TTC28: variants seen among roughly 807,000 people sequenced by gnomAD.
TTC28 encodes tetratricopeptide repeat protein 28.
TTC28 carries 61 observed loss-of-function variants against 198.0 expected under a neutral mutation model. The ratio of observed to expected loss-of-function variants is 0.31; its 90% CI spans 0.25 to 0.38. The LOEUF (loss-of-function observed/expected upper bound fraction) is 0.38. Among genes scored for constraint, TTC28 ranks in the 10% least tolerant of loss-of-function variants. TTC28 has a pLI of 1.00. For synonymous variants in TTC28, 1,171 were observed against 1,297.8 expected (o/e 0.90, Z 2.10); for missense variants, 2,678 against 3,164.0 (o/e 0.85, Z 3.69).
intron 5 of TTC28, among the ~76,000 whole-genome samples, chr22:28,251,547 T>C (rs1449912197): frequency 6.6e-6 from 1 of 152,130 alleles, no homozygotes; most frequent in Non-Finnish European, 1.5e-5. Flanking sequence ...CTATCACTGT[T>C]AGGAGAAACA....
At chr22:28,356,796 C>T (rs1004379710) in intron 2 of TTC28, among the ~76,000 whole-genome samples, 2 of 152,136 alleles carry the variant, frequency 1.3e-5, no homozygotes. Flanking sequence ...TGGCTCGTAG[C>T]GGGTTCACGT....
intron 1 of TTC28, among the ~76,000 whole-genome samples, chr22:28,646,987 A>G (rs896200424): frequency 2.6e-5 from 4 of 152,368 alleles, no homozygotes; most frequent in East Asian, 1.9e-4. Flanking sequence ...AAATTGTACT[A>G]TAAGACTGTA....
At chr22:28,584,030 T>C (rs1376408573) in intron 2 of TTC28, among the ~76,000 whole-genome samples, 1 of 150,244 alleles carries the variant, frequency 6.7e-6, no homozygotes, top group African/African-American at 2.5e-5. Flanking sequence ...TTTTTTTTTT[T>C]TTTGGCACAA....
intron 14 of TTC28, among the ~76,000 whole-genome samples, chr22:28,004,814 C>A (rs113967651): frequency 3.9e-5 from 6 of 152,164 alleles, no homozygotes; most frequent in African/African-American, 1.4e-4. Context: ...TATAATCCAA[C>A]GTGAACTTGA....
At chr22:28,562,201 G>A (rs1365629246) in intron 2 of TTC28, among the ~76,000 whole-genome samples, 4 of 152,162 alleles carry the variant, frequency 2.6e-5, no homozygotes, top group African/African-American at 7.2e-5. Flanking sequence ...AGTACATGGA[G>A]AAGAGAATAA....
chr22:28,484,753 G>A (rs932980254), intron 2 of TTC28, among the ~76,000 whole-genome samples: 3 of 152,102 alleles, frequency 2.0e-5, no homozygotes, highest in South Asian at 4.1e-4. Flanking sequence ...CTTAAAAGAG[G>A]AATAAGTAAG....
intron 2 of TTC28, among the ~76,000 whole-genome samples, chr22:28,396,527 G>A (rs990742611): frequency 6.6e-6 from 1 of 152,178 alleles, no homozygotes; most frequent in Non-Finnish European, 1.5e-5. Flanking sequence ...CACAAATTCA[G>A]TGGAGTCTGG....
chr22:28,233,654 C>A (rs762185737), intron 5 of TTC28, among the ~76,000 whole-genome samples: 1 of 152,136 alleles, frequency 6.6e-6, no homozygotes, highest in Admixed American at 6.5e-5. Context: ...TACAAGAGCA[C>A]AATAAGCCAT....
At chr22:28,146,675 CTT>C (rs759238426) in intron 6 of TTC28, among the ~76,000 whole-genome samples, 31 of 152,296 alleles carry the variant, frequency 2.0e-4, no homozygotes, top group Non-Finnish European at 3.7e-4. Flanking sequence ...TATAAGCTGT[CTT>C]TGTCTTATTC....
intron 6 of TTC28, among the ~76,000 whole-genome samples, chr22:28,125,868 C>T (rs559917616): frequency 6.6e-6 from 1 of 152,026 alleles, no homozygotes; most frequent in East Asian, 1.9e-4. Flanking sequence ...GGGTAAGAGA[C>T]AAAAGAATGA....
rs186841248 is a variant in TTC28, at chr22:28,675,944, A to G, written c.102+3678T>C. 4.9e-3 allele frequency among the ~76,000 whole-genome samples: 740 copies of G among 152,068 alleles called. 3 individuals are homozygous for G. Among genetic ancestry groups the G allele is most frequent in the Non-Finnish European group, 6.5e-3 (441 of 67,968 alleles). ...TACAAAAAATTTTTAAATATTTGCC[A>G]GGTGTGGTGGCACGTGCCTGTAGTC... On this transcript the variant is annotated intron_variant, in intron 1 of 22. Coordinates refer to ENST00000397906, the MANE Select transcript of TTC28 (RefSeq NM_001145418.2).
chr22:28,050,403 T>C (rs530938835), intron 12 of TTC28, among the ~76,000 whole-genome samples: 8 of 152,360 alleles, frequency 5.3e-5, no homozygotes, highest in Admixed American at 3.3e-4. Flanking sequence ...TTCTGTGTTC[T>C]TGTAGAAAAC....
chr22:28,008,127 C>T (rs564476382), intron 14 of TTC28: 6 of 152,216 alleles, frequency 3.9e-5, no homozygotes, highest in African/African-American at 2.4e-5. Flanking sequence ...CAGGCAGCCA[C>T]GTGGTCAGTC....
intron 12 of TTC28, among the ~76,000 whole-genome samples, chr22:28,067,673 C>G (rs1056874242): frequency 7.9e-5 from 12 of 152,152 alleles, no homozygotes; most frequent in African/African-American, 2.7e-4. Flanking sequence ...AGATATTCAC[C>G]AAATAGTTGC....
chr22:28,592,913 C>T (rs1321106127), intron 2 of TTC28, among the ~76,000 whole-genome samples: 1 of 152,172 alleles, frequency 6.6e-6, no homozygotes, highest in East Asian at 1.9e-4. Flanking sequence ...CAACTTAGCA[C>T]AACCATCCAC....
At chr22:28,457,946 A>G (rs1428915790) in intron 2 of TTC28, among the ~76,000 whole-genome samples, 1 of 152,120 alleles carries the variant, frequency 6.6e-6, no homozygotes, top group East Asian at 1.9e-4. Flanking sequence ...TGCCATTTTC[A>G]TTATCTAAAA....
intron 2 of TTC28, among the ~76,000 whole-genome samples, chr22:28,357,418 C>T (rs2046095388): frequency 7.2e-6 from 1 of 139,720 alleles, no homozygotes; most frequent in South Asian, 2.3e-4. Flanking sequence ...CAGACTCAAA[C>T]AATCCTCCTG....
chr22:28,507,242 A>C (rs2048624494), intron 2 of TTC28, among the ~76,000 whole-genome samples: 1 of 152,250 alleles, frequency 6.6e-6, no homozygotes, highest in African/African-American at 2.4e-5. Context: ...GCTGAAAAAC[A>C]AAACATGAAA....
At chr22:28,654,476 C>T (rs576948791) in intron 1 of TTC28, among the ~76,000 whole-genome samples, 3 of 152,164 alleles carry the variant, frequency 2.0e-5, no homozygotes, top group South Asian at 4.1e-4. Context: ...TACAGGTGCC[C>T]GCCACCATGC....
Sources: allele counts gnomAD v4.1 joint callset (sites outside exome capture counted in the v4.1 genomes callset), GRCh38; gene constraint gnomAD v4.1.1; transcripts MANE v1.5; gene names NCBI Gene and HGNC (gene_info 2026-07-23, HGNC 2026-07-21).